SMIM14: variants seen among roughly 807,000 people sequenced by gnomAD.
SMIM14 encodes chromosome 4 open reading frame 34.
A neutral mutation model predicts 12.6 loss-of-function variants in SMIM14; 5 were observed. That is an observed-to-expected ratio of 0.40 (90% CI 0.21 to 0.83). SMIM14 has a LOEUF of 0.83. SMIM14 is among the 40% of genes least tolerant of loss of function. SMIM14 has a pLI of 0.37. For missense variants in SMIM14, 86 were observed against 119.1 expected, an observed-to-expected ratio of 0.72 and a Z score of 1.29; for synonymous variants, 30 against 40.1, an observed-to-expected ratio of 0.75 and a Z score of 0.95.
intron 2 of SMIM14, among the ~76,000 whole-genome samples, chr4:39,591,974 C>A (rs1714107468): frequency 6.6e-6 from 1 of 152,110 alleles, no homozygotes; most frequent in Non-Finnish European, 1.5e-5. Flanking sequence ...CAGGAGGAAG[C>A]TTGAGGCTAG....
chr4:39,586,737 T>C (rs1008088876), intron 2 of SMIM14, among the ~76,000 whole-genome samples: 8 of 152,258 alleles, frequency 5.3e-5, no homozygotes, highest in Middle Eastern at 3.4e-3. Context: ...GTATTTGTTA[T>C]AGTAGCATCC....
At chr4:39,612,446 T>C (rs1395021945) in intron 1 of SMIM14, among the ~76,000 whole-genome samples, 2 of 152,144 alleles carry the variant, frequency 1.3e-5, no homozygotes, top group African/African-American at 4.8e-5. Context: ...CTACAGATAC[T>C]GGTCCATCCT....
chr4:39,611,511 A>T (rs1376309167), intron 1 of SMIM14, among the ~76,000 whole-genome samples: 1 of 151,868 alleles, frequency 6.6e-6, no homozygotes, highest in Admixed American at 6.6e-5. Flanking sequence ...ATCTCAAAAA[A>T]AAAAAAAAAA....
chr4:39,634,620 C>T (rs1281025505), intron 1 of SMIM14, among the ~76,000 whole-genome samples: 1 of 152,104 alleles, frequency 6.6e-6, no homozygotes, highest in Non-Finnish European at 1.5e-5. Flanking sequence ...AGCAATCTTC[C>T]AAGGAAAAGC....
chr4:39,552,329 T>C (rs1711759386), intron 4 of SMIM14, among the ~76,000 whole-genome samples, 171 bp from the exon 5 acceptor site: 1 of 152,070 alleles, frequency 6.6e-6, no homozygotes, highest in South Asian at 2.1e-4. Flanking sequence ...AAATATATGC[T>C]TATTTGGACT....
intron 2 of SMIM14, 101 bp downstream of exon 2, chr4:39,604,968 AGT>A: frequency 1.4e-6 from 1 of 733,790 alleles, no homozygotes. Flanking sequence ...AATACTCTTT[AGT>A]GACCATCAGA....
At chr4:39,612,317 T>C (rs57430744) in intron 1 of SMIM14, among the ~76,000 whole-genome samples, 8,155 of 151,758 alleles carry the variant, frequency 0.054, 701 homozygotes, top group African/African-American at 0.19. Flanking sequence ...TGCAATGGTG[T>C]GATCTCGGCT....
At chr4:39,614,445 A>G (rs540947413) in intron 1 of SMIM14, among the ~76,000 whole-genome samples, 2 of 151,500 alleles carry the variant, frequency 1.3e-5, no homozygotes, top group East Asian at 4.0e-4. Context: ...CCTCAGCTCC[A>G]GAGTAGCTGG....
At chr4:39,582,153 G>A (rs1713542475) in intron 2 of SMIM14, among the ~76,000 whole-genome samples, 1 of 152,026 alleles carries the variant, frequency 6.6e-6, no homozygotes, top group Non-Finnish European at 1.5e-5. Context: ...TTACAGGAAT[G>A]AGCCACCGCG....
intron 2 of SMIM14, among the ~76,000 whole-genome samples, chr4:39,587,577 A>G (rs2110032926): frequency 6.6e-6 from 1 of 151,198 alleles, no homozygotes; most frequent in South Asian, 2.1e-4. Flanking sequence ...TTAAAGCCAA[A>G]CATGCTCTTC....
chr4:39,609,227 G>A (rs1039159792), intron 1 of SMIM14, among the ~76,000 whole-genome samples: 8 of 152,070 alleles, frequency 5.3e-5, no homozygotes, highest in South Asian at 2.1e-4. Context: ...CGATCCGCCC[G>A]CCTTGGCCTC....
chr4:39,618,912 A>C (rs1275544847), intron 1 of SMIM14, among the ~76,000 whole-genome samples: 1 of 151,966 alleles, frequency 6.6e-6, no homozygotes, highest in Non-Finnish European at 1.5e-5. Context: ...AAGCAGCATT[A>C]TGGAGTAGAG....
intron 1 of SMIM14, among the ~76,000 whole-genome samples, chr4:39,618,259 C>T (rs775534214): frequency 3.3e-5 from 5 of 152,092 alleles, no homozygotes; most frequent in African/African-American, 4.8e-5. Flanking sequence ...TGCATTCAAT[C>T]GAGCCCAACT....
At chr4:39,591,462 CAAGT>C (rs1030223019) in intron 2 of SMIM14, among the ~76,000 whole-genome samples, 5 of 152,056 alleles carry the variant, frequency 3.3e-5, no homozygotes, top group African/African-American at 4.8e-5. Context: ...GGACCCATGC[CAAGT>C]AAGTAAGTAA....
chr4:39,570,827 A>G (rs1380517316), intron 3 of SMIM14, among the ~76,000 whole-genome samples: 1 of 152,046 alleles, frequency 6.6e-6, no homozygotes, highest in Non-Finnish European at 1.5e-5. Flanking sequence ...TGGCTCAATA[A>G]ATAGTAAGAC....
At chr4:39,619,860 T>TTATATATA (rs1163098013) in intron 1 of SMIM14, among the ~76,000 whole-genome samples, 16 of 111,102 alleles carry the variant, frequency 1.4e-4, no homozygotes, top group South Asian at 2.6e-4. Flanking sequence ...TTATATATAT[T>TTATATATA]TATATATATA....
chr4:39,559,959 A>AT lies in SMIM14; in HGVS notation c.125-3390dup, dbSNP rs201750030. On this transcript the variant is annotated intron_variant, in intron 3 of 4. Coordinates refer to ENST00000295958, the MANE Select transcript of SMIM14 (RefSeq NM_174921.3). ...TGACAAAAACCCGTATCTACAAAAAATTAAAAAAAAAAAATAGCCGGGTGT... is the reference window on the plus strand; with the variant it reads ...TGACAAAAACCCGTATCTACAAAAAATTTAAAAAAAAAAAATAGCCGGGTGT... Among the ~76,000 whole-genome samples the AT allele has an allele frequency of 1.3e-3, 164 of 126,060 alleles. 2 individuals carry two copies. The highest frequency in any genetic ancestry group is 5.7e-3 in the African/African-American group (151 of 26,556). 82.7% of individuals were successfully genotyped at this position (126,060 alleles called of 152,430 possible).
intron 1 of SMIM14, chr4:39,638,530 G>A (rs1347022768): frequency 1.5e-5 from 15 of 985,470 alleles, no homozygotes; most frequent in Non-Finnish European, 1.8e-5. Flanking sequence ...CCCAATTGCA[G>A]GCTCTTCGCG....
At chr4:39,557,788 GA>G (rs1232144717) in intron 3 of SMIM14, among the ~76,000 whole-genome samples, 1 of 152,050 alleles carries the variant, frequency 6.6e-6, no homozygotes, top group East Asian at 1.9e-4. Flanking sequence ...CCTTTGGGGG[GA>G]AAAATCTGCT....
Sources: gnomAD v4.1 joint callset for allele counts (sites outside exome capture counted in the v4.1 genomes callset) on GRCh38, gnomAD v4.1.1 for gene constraint, MANE v1.5 for transcripts, NCBI Gene and HGNC (gene_info 2026-07-23, HGNC 2026-07-21) for gene names.